The following ADAMTS2 variants were observed in gnomAD, a reference collection of about 807,000 sequenced individuals.
ADAMTS2 encodes A disintegrin and metalloproteinase with thrombospondin motifs 2.
ADAMTS2 carries 50 observed loss-of-function variants against 123.0 expected under a neutral mutation model. The ratio of observed to expected loss-of-function variants is 0.41; its 90% CI spans 0.32 to 0.51. The LOEUF (loss-of-function observed/expected upper bound fraction) is 0.51, where lower values mean the gene tolerates loss of function less well. Ranked by LOEUF, ADAMTS2 falls within the 20% of genes least tolerant of loss-of-function variation. ADAMTS2 has a pLI of 0.35. For missense variants in ADAMTS2, 1,494 were observed against 1,705.2 expected, an observed-to-expected ratio of 0.88 and a Z score of 2.18; for synonymous variants, 678 against 695.4, an observed-to-expected ratio of 0.98 and a Z score of 0.39.
In ADAMTS2 at chr5:179,314,452, G is replaced by GT. The variant is rs77037744; in HGVS notation, c.534+29314dup. On this transcript the variant is annotated intron_variant, in intron 2 of 21. Transcript: ENST00000251582. This position sits in a 1 kb window ranked among gnomAD's most constrained non-coding sequence, Gnocchi z 4.5. ...TGGCGTGGCGTGGCCGGAATACTCA[G>GT]TTTTCCCTGCTTTTTGAGACAAGAG... is the stretch of plus-strand genomic sequence containing the variant. 0.08 allele frequency among the ~76,000 whole-genome samples: 12,203 copies of GT among 152,190 alleles called. 749 individuals carry two copies. Among genetic ancestry groups the GT allele is most frequent in the South Asian group, 0.19 (925 of 4,812 alleles).
chr5:179,159,419 G>A (rs1763554413), intron 5 of ADAMTS2, among the ~76,000 whole-genome samples: 1 of 152,328 alleles, frequency 6.6e-6, no homozygotes, highest in Non-Finnish European at 1.5e-5. Flanking sequence ...AAAAGAAACA[G>A]CAACTGACAT....
In ADAMTS2 at chr5:179,303,974, C is replaced by T. The variant is rs950862342; in HGVS notation, c.535-30910G>A. 7.9e-5 allele frequency among the ~76,000 whole-genome samples: 12 copies of T among 152,164 alleles called. No homozygotes were observed. Among genetic ancestry groups the T allele is most frequent in the African/African-American group, 2.2e-4 (9 of 41,438 alleles). On this transcript the variant is annotated intron_variant, in intron 2 of 21. Transcript: ENST00000251582. This position sits in a 1 kb window ranked among gnomAD's most constrained non-coding sequence, Gnocchi z 4.7. ...AAAGTTGGTTAGAAACTCCTGGGCT[C>T]GTGCTTGAGCCGTGCACGAGTGGGT... is the stretch of plus-strand genomic sequence containing the variant.
At chr5:179,244,793 C>T (rs1248279791) in intron 3 of ADAMTS2, among the ~76,000 whole-genome samples, 1 of 152,154 alleles carries the variant, frequency 6.6e-6, no homozygotes, top group Non-Finnish European at 1.5e-5. Flanking sequence ...CAGATGGGAA[C>T]TTGAATCCAC....
chr5:179,176,811 C>T (rs761301793), intron 5 of ADAMTS2, among the ~76,000 whole-genome samples: 6 of 152,342 alleles, frequency 3.9e-5, no homozygotes, highest in South Asian at 2.1e-4. Context: ...TCCTTGCGAT[C>T]GGCTCCTTCC....
Position 179,234,178 on chromosome 5 carries a change from C to T in ADAMTS2, c.689-26463G>A, listed in dbSNP as rs1765475153. 6.6e-6 allele frequency among the ~76,000 whole-genome samples: 1 copy of T among 152,130 alleles called. No individual in the cohort carries two copies. Among genetic ancestry groups the T allele is most frequent in the Admixed American group, 6.5e-5 (1 of 15,278 alleles). On this transcript the variant is annotated intron_variant, in intron 3 of 21. Coordinates refer to ENST00000251582, the MANE Select transcript of ADAMTS2 (RefSeq NM_014244.5). The surrounding 1 kb of genome is among the most constrained non-coding windows in gnomAD (Gnocchi z 4.7). ...TGCCAGAAGAGACCCTCTCCTGCCA[C>T]AGGCGCCCTCCCCATCAGATGCCAG...
At chr5:179,222,120 G>A (rs1453859953) in intron 3 of ADAMTS2, among the ~76,000 whole-genome samples, 2 of 152,118 alleles carry the variant, frequency 1.3e-5, no homozygotes, top group African/African-American at 4.8e-5. Context: ...TGTGAACTCC[G>A]TGGGTCCAGA....
chr5:179,250,481 T>C (rs755147303), intron 3 of ADAMTS2, among the ~76,000 whole-genome samples: 9 of 152,150 alleles, frequency 5.9e-5, no homozygotes, highest in African/African-American at 9.7e-5. Flanking sequence ...TGAGTGAATA[T>C]AGTAAAAATT....
Position 179,112,516 on chromosome 5 carries a change from G to A in ADAMTS2, c.*1351C>T, listed in dbSNP as rs1762586686. On this transcript the variant is annotated 3_prime_UTR_variant, in exon 22 of 22. Transcript: ENST00000251582. ...TAGGAGCTATTAAAGTTTTCAAGGA[G>A]CAAAAGACAATGTAGGCTCTCCCCA... 6.6e-6 allele frequency: 1 copy of A among 152,154 alleles called. No homozygotes were observed. The highest frequency in any genetic ancestry group is 2.4e-5 in the African/African-American group (1 of 41,416). 9.4% of individuals were successfully genotyped at this position (152,154 alleles called of 1,614,324 possible). A position where few individuals can be genotyped will look rare whatever the true frequency, so the allele number is the denominator to read the frequency against.
chr5:179,254,326 T>A (rs943238712), intron 3 of ADAMTS2, among the ~76,000 whole-genome samples: 1 of 152,152 alleles, frequency 6.6e-6, no homozygotes, highest in African/African-American at 2.4e-5. Flanking sequence ...CTATGAAGTA[T>A]ACAGAATAGG....
chr5:179,163,028 G>A (rs575222234), intron 5 of ADAMTS2, among the ~76,000 whole-genome samples: 1 of 152,352 alleles, frequency 6.6e-6, no homozygotes, highest in East Asian at 1.9e-4. Flanking sequence ...AGTCCAGCCA[G>A]AAAGACATGC....
At chr5:179,274,733 T>C (rs1247431241) in intron 2 of ADAMTS2, among the ~76,000 whole-genome samples, 1 of 152,228 alleles carries the variant, frequency 6.6e-6, no homozygotes, top group African/African-American at 2.4e-5. Flanking sequence ...CGGCTGCCCC[T>C]AGCCTCAAGT....
In ADAMTS2 at chr5:179,130,822, C is replaced by A. The variant is rs1199472330; in HGVS notation, c.2291-724G>T. On this transcript the variant is annotated intron_variant, in intron 15 of 21. Transcript: ENST00000251582. The surrounding 1 kb of genome is among the most constrained non-coding windows in gnomAD (Gnocchi z 4.3). ...TAATTCTGTCCACTCACAAACAAAG[C>A]CTCTGCTTGGTGCCACACGTCCCTG... Among the ~76,000 whole-genome samples the A allele has an allele frequency of 1.3e-5, 2 of 152,128 alleles. No homozygotes were observed. Among genetic ancestry groups the A allele is most frequent in the African/African-American group, 4.8e-5 (2 of 41,424 alleles).
intron 3 of ADAMTS2, among the ~76,000 whole-genome samples, chr5:179,210,854 A>C (rs1249020724): frequency 2.0e-5 from 3 of 152,206 alleles, no homozygotes; most frequent in Non-Finnish European, 4.4e-5. Context: ...TCCCCACAAT[A>C]AGATTGACCC....
In ADAMTS2 at chr5:179,242,381, T is replaced by A. The variant is rs1409885547; in HGVS notation, c.688+30530A>T. ...ATCCAGTGTCTTCTACCTTCCTTAT[T>A]GCTGTGGCCCTTTAAAAAAAGATTA... On this transcript the variant is annotated intron_variant, in intron 3 of 21. Transcript: ENST00000251582. This position sits in a 1 kb window ranked among gnomAD's most constrained non-coding sequence, Gnocchi z 4.2. 6.6e-6 allele frequency among the ~76,000 whole-genome samples: 1 copy of A among 152,146 alleles called. No homozygotes were observed. Among genetic ancestry groups the A allele is most frequent in the African/African-American group, 2.4e-5 (1 of 41,416 alleles).
rs1272690456 is a variant in ADAMTS2 at position 179,155,700 on chromosome 5, G to C, written c.1133-781C>G. Among the ~76,000 whole-genome samples, 1 of 152,196 alleles carries C rather than the reference G, an allele frequency of 6.6e-6. No individual in the cohort carries two copies. The highest frequency in any genetic ancestry group is 6.5e-5 in the Admixed American group (1 of 15,292). On this transcript the variant is annotated intron_variant, in intron 6 of 21. Coordinates refer to ENST00000251582, the MANE Select transcript of ADAMTS2 (RefSeq NM_014244.5). The surrounding 1 kb of genome is among the most constrained non-coding windows in gnomAD (Gnocchi z 5.1). ...CTTCCCCAGCTCCTGTCTCAGCAGA[G>C]GGAGGCGGCTTGGAAAGATAGGGAA...
At chr5:179,154,941 C>G (rs1458728724) in intron 6 of ADAMTS2, 22 bp from the exon 7 acceptor site, 1 of 1,602,848 alleles carries the variant, frequency 6.2e-7, no homozygotes, top group African/African-American at 1.3e-5. Flanking sequence ...CAAGAGGCGG[C>G]TCCAGATGCT....
intron 2 of ADAMTS2, among the ~76,000 whole-genome samples, chr5:179,331,286 G>A (rs1000477571): frequency 2.8e-5 from 4 of 141,744 alleles, no homozygotes; most frequent in African/African-American, 2.7e-5. Context: ...AAGGGAGAAT[G>A]GAGAGAAAAG....
In ADAMTS2 at chr5:179,115,929, C is replaced by T. The variant is rs1461812776; in HGVS notation, c.3179-1605G>A. On this transcript the variant is annotated intron_variant, in intron 21 of 21. Coordinates refer to ENST00000251582, the MANE Select transcript of ADAMTS2 (RefSeq NM_014244.5). The surrounding 1 kb of genome is among the most constrained non-coding windows in gnomAD (Gnocchi z 4.4). ...GTGACAGACCACCAGCTCCAAACCCCTGAAGCTTCAGACTTGCTACAAGCC... is the reference window on the plus strand; with the variant it reads ...GTGACAGACCACCAGCTCCAAACCCTTGAAGCTTCAGACTTGCTACAAGCC... Among the ~76,000 whole-genome samples, 1 of 152,108 alleles carries T rather than the reference C, an allele frequency of 6.6e-6. No individual in the cohort carries two copies. Among genetic ancestry groups the T allele is most frequent in the Admixed American group, 6.5e-5 (1 of 15,270 alleles).
intron 3 of ADAMTS2, among the ~76,000 whole-genome samples, chr5:179,223,145 G>T (rs373903573): frequency 3.9e-5 from 6 of 152,326 alleles, no homozygotes; most frequent in African/African-American, 1.4e-4. Context: ...CCAGCCTTGC[G>T]TGGCACCACC....
Sources: gnomAD v4.1 joint callset for allele counts (sites outside exome capture counted in the v4.1 genomes callset) on GRCh38, gnomAD v4.1.1 for gene constraint, Gnocchi (gnomAD v3.1) non-coding constraint, MANE v1.5 for transcripts, NCBI Gene and HGNC (gene_info 2026-07-23, HGNC 2026-07-21) for gene names.